Variants in GLRA3 observed in about 807,000 individuals in gnomAD.
The protein encoded by GLRA3 is glycine receptor alpha 3.
GLRA3 carries 44 observed loss-of-function variants against 60.4 expected under a neutral mutation model. The ratio of observed to expected loss-of-function variants is 0.73; its 90% CI spans 0.57 to 0.94. GLRA3 has a LOEUF of 0.94. Among genes scored for constraint, GLRA3 ranks in the 40% least tolerant of loss-of-function variants. GLRA3 has a pLI of 0.00. For missense variants in GLRA3, 508 were observed against 564.6 expected (o/e 0.90, Z 1.02); for synonymous variants, 223 against 192.9 (o/e 1.16, Z -1.29).
At chr4:174,732,992 A>G (rs1365849987) in intron 3 of GLRA3, among the ~76,000 whole-genome samples, 3 of 152,198 alleles carry the variant, frequency 2.0e-5, no homozygotes, top group Non-Finnish European at 2.9e-5. Context: ...AAAGGATTCA[A>G]TAGTGTTTAT....
At chr4:174,762,831 C>A (rs1737989643) in intron 3 of GLRA3, among the ~76,000 whole-genome samples, 1 of 152,216 alleles carries the variant, frequency 6.6e-6, no homozygotes, top group South Asian at 2.1e-4. Flanking sequence ...CTACCCAGAT[C>A]AAAAAATAGA....
chr4:174,785,874 A>G (rs1307700931), intron 2 of GLRA3, among the ~76,000 whole-genome samples: 2 of 151,440 alleles, frequency 1.3e-5, no homozygotes, highest in African/African-American at 2.4e-5. Context: ...GGCTCAAGTA[A>G]TCCTCCTGCC....
intron 9 of GLRA3, among the ~76,000 whole-genome samples, chr4:174,649,986 T>G (rs10013091): frequency 0.51 from 78,014 of 151,800 alleles, 21,584 homozygotes; most frequent in African/African-American, 0.73. Flanking sequence ...AAAGTAAGTT[T>G]TTTAATAAGT....
At chr4:174,775,247 G>A (rs920342386) in intron 2 of GLRA3, among the ~76,000 whole-genome samples, 32 of 151,882 alleles carry the variant, frequency 2.1e-4, no homozygotes, top group African/African-American at 7.5e-4. Context: ...ATAGTGTCTT[G>A]GTGGATAGGA....
Position 174,760,066 on chromosome 4 carries a change from A to G in GLRA3, c.267+6897T>C, listed in dbSNP as rs1737879207. 2.6e-5 allele frequency among the ~76,000 whole-genome samples: 4 copies of G among 152,180 alleles called. No individual in the cohort carries two copies. The South Asian group carries it at 8.3e-4, about 31-fold the overall frequency. On this transcript the variant is annotated intron_variant, in intron 3 of 9. Transcript: ENST00000274093. ...TTGAAGAGTAGAATAAATGTTTAAA[A>G]TGCATATAGCTGACAAAGTATTCAT...
At chr4:174,696,656 C>T (rs569213910) in intron 5 of GLRA3, among the ~76,000 whole-genome samples, 1 of 151,834 alleles carries the variant, frequency 6.6e-6, no homozygotes, top group South Asian at 2.1e-4. Flanking sequence ...GATAAAAAAC[C>T]TTAAATCTGA....
At chr4:174,759,806 G>T (rs1737871025) in intron 3 of GLRA3, among the ~76,000 whole-genome samples, 1 of 152,074 alleles carries the variant, frequency 6.6e-6, no homozygotes, top group Non-Finnish European at 1.5e-5. Context: ...ATTGTGAAAT[G>T]AAAATAAATG....
chr4:174,691,294 TGATGTTG>T (rs1734784743), intron 5 of GLRA3, among the ~76,000 whole-genome samples: 19 of 152,110 alleles, frequency 1.2e-4, no homozygotes, highest in Admixed American at 1.2e-3. Flanking sequence ...TAATGGTCAG[TGATGTTG>T]AACTTTTTTT....
Position 174,820,447 on chromosome 4 carries a change from G to C in GLRA3, c.71+8294C>G, listed in dbSNP as rs371567956. ...TAGACACTCTTTTAAGCCCAGCAGA[G>C]AGAACTGGGAATGTATTTTGGTCCC... On this transcript the variant is annotated intron_variant, in intron 1 of 9. Transcript: ENST00000274093. Among the ~76,000 whole-genome samples, 6 of 152,272 alleles carry C rather than the reference G, an allele frequency of 3.9e-5. No individual in the cohort carries two copies. The East Asian group carries it at 1.2e-3, about 29-fold the overall frequency.
chr4:174,802,819 C>G (rs890841685), intron 1 of GLRA3, among the ~76,000 whole-genome samples: 1 of 152,006 alleles, frequency 6.6e-6, no homozygotes, highest in African/African-American at 2.4e-5. Context: ...AAGATGAAAC[C>G]AGAGTTGTGA....
At chr4:174,649,189 G>C (rs1201812871) in intron 9 of GLRA3, among the ~76,000 whole-genome samples, 5 of 152,120 alleles carry the variant, frequency 3.3e-5, no homozygotes, top group African/African-American at 1.2e-4. Flanking sequence ...ACAGCTTCTT[G>C]CAATTACCTG....
intron 3 of GLRA3, among the ~76,000 whole-genome samples, chr4:174,742,208 C>A (rs969620478): frequency 1.1e-4 from 17 of 152,204 alleles, no homozygotes; most frequent in Admixed American, 1.0e-3. Context: ...TATTTAACAT[C>A]AGTAGAAGCT....
intron 3 of GLRA3, among the ~76,000 whole-genome samples, chr4:174,742,563 G>GA (rs1737068166): frequency 6.6e-6 from 1 of 152,096 alleles, no homozygotes; most frequent in African/African-American, 2.4e-5. Context: ...ATTTAAGGAG[G>GA]AAAAATCTCT....
rs188368178 is a variant in GLRA3, at chr4:174,740,033, C to T, written c.268-11335G>A. ...GCTGACTTTGTGTGGGATAGAAAAC[C>T]TGTTCTTAAATTCACAGGTCTTTTG... On this transcript the variant is annotated intron_variant, in intron 3 of 9. Coordinates refer to ENST00000274093, the MANE Select transcript of GLRA3 (RefSeq NM_006529.4). 2.0e-5 allele frequency among the ~76,000 whole-genome samples: 3 copies of T among 152,276 alleles called. No individual in the cohort carries two copies. The East Asian group carries it at 5.8e-4, about 29-fold the overall frequency.
chr4:174,802,686 G>A (rs1268371725), intron 1 of GLRA3, among the ~76,000 whole-genome samples: 2 of 151,972 alleles, frequency 1.3e-5, no homozygotes, highest in Non-Finnish European at 2.9e-5. Flanking sequence ...GATCTAAACT[G>A]AACCCCTGGT....
chr4:174,751,104 T>TATCTATCTATCTATCA (rs1554018215), intron 3 of GLRA3, among the ~76,000 whole-genome samples: 4 of 145,194 alleles, frequency 2.8e-5, no homozygotes, highest in Admixed American at 7.0e-5. Context: ...TCTATCTATC[T>TATCTATCTATCTATCA]ATCAATCATC....
chr4:174,718,959 CTTTTTTTTTT>C (rs10656765), intron 4 of GLRA3, among the ~76,000 whole-genome samples: 1 of 81,082 alleles, frequency 1.2e-5, no homozygotes, highest in African/African-American at 4.9e-5. Flanking sequence ...AGATTTCGTG[CTTTTTTTTTT>C]TTTTTTTTTT....
intron 1 of GLRA3, among the ~76,000 whole-genome samples, chr4:174,801,492 C>G (rs960156178): frequency 1.4e-4 from 21 of 152,086 alleles, no homozygotes; most frequent in African/African-American, 5.1e-4. Flanking sequence ...CACAAGTTTG[C>G]TCTTTCTGCA....
intron 3 of GLRA3, among the ~76,000 whole-genome samples, chr4:174,733,026 A>G (rs768030595): frequency 1.3e-5 from 2 of 152,192 alleles, no homozygotes; most frequent in Non-Finnish European, 2.9e-5. Flanking sequence ...ACATCATCAC[A>G]TATATATTAT....
Sources: allele counts gnomAD v4.1 joint callset (sites outside exome capture counted in the v4.1 genomes callset), GRCh38; gene constraint gnomAD v4.1.1; transcripts MANE v1.5; gene names NCBI Gene and HGNC (gene_info 2026-07-23, HGNC 2026-07-21).